The following PPP2R2C variants were observed in gnomAD, a reference collection of about 807,000 sequenced individuals.
PPP2R2C encodes protein phosphatase 2, regulatory subunit B, gamma.
A neutral mutation model predicts 45.3 loss-of-function variants in PPP2R2C; 10 were observed. The ratio of observed to expected loss-of-function variants is 0.22; its 90% CI spans 0.14 to 0.37. The LOEUF is 0.37. Among genes scored for constraint, PPP2R2C ranks in the 10% least tolerant of loss-of-function variants. PPP2R2C has a pLI of 1.00. For synonymous variants in PPP2R2C, 257 were observed against 245.4 expected (o/e 1.05, Z -0.44); for missense variants, 308 against 619.7 (o/e 0.50, Z 5.34).
intron 1 of PPP2R2C, among the ~76,000 whole-genome samples, chr4:6,389,571 G>A (rs1418998003): frequency 2.0e-5 from 3 of 152,190 alleles, no homozygotes; most frequent in Admixed American, 1.3e-4. Flanking sequence ...CTTGGCGAGC[G>A]AATTTACCCA....
intron 1 of PPP2R2C, among the ~76,000 whole-genome samples, chr4:6,443,412 G>A (rs371032388): frequency 1.3e-5 from 2 of 152,356 alleles, no homozygotes; most frequent in South Asian, 4.1e-4. Flanking sequence ...CCATGCAGAC[G>A]CTGGGTAAAG....
chr4:6,412,417 C>T (rs1031806812), intron 1 of PPP2R2C, among the ~76,000 whole-genome samples: 4 of 152,182 alleles, frequency 2.6e-5, no homozygotes, highest in African/African-American at 9.7e-5. Flanking sequence ...GGGAAAGCTG[C>T]CTGCCTAATA....
At chr4:6,421,346 C>G (rs1331726980) in intron 1 of PPP2R2C, among the ~76,000 whole-genome samples, 1 of 152,170 alleles carries the variant, frequency 6.6e-6, no homozygotes, top group Non-Finnish European at 1.5e-5. Context: ...CTGGGATTCC[C>G]AGGCTGCCAT....
At chr4:6,395,350 C>A (rs1279421425) in intron 1 of PPP2R2C, among the ~76,000 whole-genome samples, 1 of 152,200 alleles carries the variant, frequency 6.6e-6, no homozygotes, top group East Asian at 1.9e-4. Context: ...TTATGCCAGG[C>A]AACGGGAATT....
intron 1 of PPP2R2C, among the ~76,000 whole-genome samples, chr4:6,397,424 G>A (rs1221728528): frequency 2.0e-5 from 3 of 152,256 alleles, no homozygotes; most frequent in East Asian, 1.9e-4. Context: ...CCTGCGCTGC[G>A]GGGGTCTCCC....
chr4:6,551,764 G>A (rs910234957), intron 1 of PPP2R2C, among the ~76,000 whole-genome samples: 4 of 152,198 alleles, frequency 2.6e-5, no homozygotes, highest in Admixed American at 6.5e-5. Context: ...TAAATTACAG[G>A]GAAGCCACTG....
intron 6 of PPP2R2C, among the ~76,000 whole-genome samples, chr4:6,346,569 C>T (rs779351740): frequency 1.2e-4 from 18 of 152,200 alleles, no homozygotes; most frequent in Non-Finnish European, 1.9e-4. Context: ...CTCTGCTGCA[C>T]ACCCATGCCA....
chr4:6,554,167 G>A (rs968816079), intron 1 of PPP2R2C, among the ~76,000 whole-genome samples: 1 of 152,170 alleles, frequency 6.6e-6, no homozygotes, highest in African/African-American at 2.4e-5. Context: ...CACTGCAGAT[G>A]TCATTAGTTA....
intron 2 of PPP2R2C, among the ~76,000 whole-genome samples, chr4:6,493,260 T>A (rs1441923486): frequency 1.3e-5 from 2 of 151,720 alleles, no homozygotes; most frequent in African/African-American, 4.8e-5. Flanking sequence ...CACACACCCC[T>A]CCTGGTCCCC....
At chr4:6,390,640 T>C (rs1168256387) in intron 1 of PPP2R2C, among the ~76,000 whole-genome samples, 1 of 152,168 alleles carries the variant, frequency 6.6e-6, no homozygotes, top group Non-Finnish European at 1.5e-5. Context: ...GGAAGGCCGT[T>C]GGGCTCTCCA....
chr4:6,465,914 G>T (rs916670926), intron 1 of PPP2R2C, among the ~76,000 whole-genome samples: 1 of 152,056 alleles, frequency 6.6e-6, no homozygotes, highest in Non-Finnish European at 1.5e-5. Flanking sequence ...GGAAGGACTA[G>T]GAGGAAAAGG....
intron 2 of PPP2R2C, among the ~76,000 whole-genome samples, chr4:6,510,416 C>G (rs1307319577): frequency 6.6e-6 from 1 of 152,194 alleles, no homozygotes; most frequent in Non-Finnish European, 1.5e-5. Context: ...GACATCCAGC[C>G]TCAAATGGCC....
rs1417832602 is a variant in PPP2R2C at position 6,351,341 on chromosome 4, A to G, written c.626-3331T>C. ...AATAAATAAATAAATTAATTAATTA[A>G]TTAATAAAAGTATGCAGGGCTCCAT... On this transcript the variant is annotated intron_variant, in intron 5 of 8. Coordinates refer to ENST00000382599, the MANE Select transcript of PPP2R2C (RefSeq NM_020416.4). The G allele has an allele frequency of 1.3e-5, 13 of 967,360 alleles. 1 individual carries two copies. The South Asian group carries it at 1.4e-4, about 11-fold the overall frequency. The allele number at this position is 967,360 out of a possible 1,614,324, so 59.9% of individuals were successfully genotyped here. A position where few individuals can be genotyped will look rare whatever the true frequency, so the allele number is the denominator to read the frequency against.
At chr4:6,427,899 C>A (rs1024898424) in intron 1 of PPP2R2C, among the ~76,000 whole-genome samples, 1 of 152,170 alleles carries the variant, frequency 6.6e-6, no homozygotes, top group African/African-American at 2.4e-5. Context: ...AAAGAGGCTC[C>A]CCCTCCTGGA....
At chr4:6,505,963 C>T (rs1723215154) in intron 2 of PPP2R2C, among the ~76,000 whole-genome samples, 1 of 152,004 alleles carries the variant, frequency 6.6e-6, no homozygotes, top group Admixed American at 6.5e-5. Context: ...GAGACTCCCT[C>T]TCAAAAACAT....
At chr4:6,396,592 C>G (rs1462530010) in intron 1 of PPP2R2C, among the ~76,000 whole-genome samples, 1 of 152,272 alleles carries the variant, frequency 6.6e-6, no homozygotes, top group Non-Finnish European at 1.5e-5. Flanking sequence ...GCACCCCTCA[C>G]ACTTGCGTAT....
chr4:6,339,692 AG>A (rs1733295428), intron 6 of PPP2R2C, among the ~76,000 whole-genome samples: 1 of 151,358 alleles, frequency 6.6e-6, no homozygotes, highest in Non-Finnish European at 1.5e-5. Flanking sequence ...TGAGGGTGGG[AG>A]GGACCTGCAG....
At chr4:6,441,056 C>T (rs956228071) in intron 1 of PPP2R2C, among the ~76,000 whole-genome samples, 3 of 152,092 alleles carry the variant, frequency 2.0e-5, no homozygotes, top group Non-Finnish European at 2.9e-5. Flanking sequence ...CTGCACCTGT[C>T]AGTGACTGGG....
intron 1 of PPP2R2C, among the ~76,000 whole-genome samples, chr4:6,539,786 A>T (rs1035251279): frequency 1.7e-4 from 26 of 152,280 alleles, no homozygotes; most frequent in African/African-American, 6.3e-4. Context: ...GCCTCACCAC[A>T]ACCTTGCGGG....
Sources: gnomAD v4.1 joint callset for allele counts (sites outside exome capture counted in the v4.1 genomes callset) on GRCh38, gnomAD v4.1.1 for gene constraint, MANE v1.5 for transcripts, NCBI Gene and HGNC (gene_info 2026-07-23, HGNC 2026-07-21) for gene names.